DAB1: variants seen among roughly 807,000 people sequenced by gnomAD.
DAB1 encodes the protein DAB adaptor protein 1.
In DAB1, 15 loss-of-function variants were observed where a neutral mutation model predicts 64.6. The ratio of observed to expected loss-of-function variants is 0.23; its 90% CI spans 0.16 to 0.36. The LOEUF (loss-of-function observed/expected upper bound fraction) is 0.36, where lower values mean the gene tolerates loss of function less well. Ranked by LOEUF, DAB1 falls within the 10% of genes least tolerant of loss-of-function variation. DAB1 has a pLI of 1.00. For synonymous variants in DAB1, 235 were observed against 251.9 expected (o/e 0.93, Z 0.64); for missense variants, 596 against 706.7 (o/e 0.84, Z 1.78).
intron 5 of DAB1, among the ~76,000 whole-genome samples, chr1:57,976,058 C>A (rs560975308): frequency 6.6e-6 from 1 of 152,318 alleles, no homozygotes; most frequent in Non-Finnish European, 1.5e-5. Context: ...CTTGGCAACG[C>A]CAAGTCTTAG....
intron 7 of DAB1, among the ~76,000 whole-genome samples, chr1:57,454,409 A>G (rs1686502913): frequency 6.6e-6 from 1 of 152,188 alleles, no homozygotes; most frequent in Non-Finnish European, 1.5e-5. Context: ...CAGGAACAGA[A>G]AACCAAATAC....
intron 2 of DAB1, among the ~76,000 whole-genome samples, chr1:57,270,929 A>AGGG (rs1670946238): frequency 6.6e-6 from 1 of 152,200 alleles, no homozygotes; most frequent in African/African-American, 2.4e-5. Context: ...TGTAATGAGC[A>AGGG]GGGACTGGGG....
At chr1:58,156,561 T>C (rs760147264) in intron 4 of DAB1, among the ~76,000 whole-genome samples, 12 of 152,090 alleles carry the variant, frequency 7.9e-5, no homozygotes, top group Middle Eastern at 3.2e-3. Context: ...CAGTACAAAG[T>C]GCTAAGAACA....
intron 1 of DAB1, among the ~76,000 whole-genome samples, chr1:57,355,872 A>AC (rs1679053558): frequency 9.6e-6 from 1 of 104,090 alleles, no homozygotes. Flanking sequence ...AAACCTCAAT[A>AC]AACACACACA....
At chr1:58,295,880 C>G (rs892869718) in intron 4 of DAB1, among the ~76,000 whole-genome samples, 2 of 151,790 alleles carry the variant, frequency 1.3e-5, no homozygotes, top group Admixed American at 6.6e-5. Context: ...TACTTGAGGT[C>G]AGGGGGTCGA....
intron 5 of DAB1, among the ~76,000 whole-genome samples, chr1:58,120,639 C>G (rs1051288614): frequency 6.6e-6 from 1 of 152,168 alleles, no homozygotes; most frequent in Non-Finnish European, 1.5e-5. Context: ...GGCAATGGCA[C>G]TAAAAGACTA....
chr1:58,084,713 G>A (rs1650196044), intron 5 of DAB1, among the ~76,000 whole-genome samples: 1 of 151,872 alleles, frequency 6.6e-6, no homozygotes, highest in African/African-American at 2.4e-5. Flanking sequence ...CTGTGCCTCA[G>A]TTCCTCCCTG....
At position 57,452,163 on chromosome 1, in the gene DAB1, C is replaced by CT. The variant is rs1432054998; in HGVS notation, n.626-160998_626-160997insA. ...TAGGATTTAGTCTCTCTCTGCACCCCCCCTTTTTTTTTTTTTTTTTTTTTG... is the reference window on the plus strand; with the variant it reads ...TAGGATTTAGTCTCTCTCTGCACCCCTCCCTTTTTTTTTTTTTTTTTTTTTG... On this transcript the variant is annotated intron_variant and non_coding_transcript_variant, in intron 7 of 20. Coordinates refer to the DAB1 transcript ENST00000485760. Among the ~76,000 whole-genome samples the CT allele has an allele frequency of 1.3e-3, 132 of 100,140 alleles. 2 individuals are homozygous for CT. Among genetic ancestry groups the CT allele is most frequent in the African/African-American group, 4.3e-3 (106 of 24,858 alleles). 65.7% of individuals were successfully genotyped at this position (100,140 alleles called of 152,430 possible).
intron 5 of DAB1, among the ~76,000 whole-genome samples, chr1:57,949,010 C>T (rs1645225682): frequency 6.6e-6 from 1 of 152,188 alleles, no homozygotes; most frequent in Non-Finnish European, 1.5e-5. Flanking sequence ...CACTCACCAG[C>T]AATCTACCAT....
intron 4 of DAB1, among the ~76,000 whole-genome samples, chr1:58,336,389 G>A (rs990053514): frequency 6.6e-6 from 1 of 152,156 alleles, no homozygotes; most frequent in East Asian, 1.9e-4. Flanking sequence ...TACCTAGATT[G>A]CTTGATCTGT....
chr1:58,132,480 T>TC lies in DAB1; in HGVS notation n.387+18030dup, dbSNP rs540624855. Among the ~76,000 whole-genome samples the TC allele has an allele frequency of 9.2e-4, 140 of 152,204 alleles. 1 individual carries two copies. The highest frequency in any genetic ancestry group is 1.8e-3 in the Admixed American group (27 of 15,284). On this transcript the variant is annotated intron_variant and non_coding_transcript_variant, in intron 5 of 20. Transcript: ENST00000485760. Reference sequence around the variant, plus strand: ...GTTCCTATTCGGCCATCTTGGCTCCTCCCCCCGGGGCCAATCTTTTTCAAA... The same window carrying TC: ...GTTCCTATTCGGCCATCTTGGCTCCTCCCCCCCGGGGCCAATCTTTTTCAAA...
chr1:57,542,458 T>C (rs1458169152), intron 7 of DAB1, among the ~76,000 whole-genome samples: 2 of 149,134 alleles, frequency 1.3e-5, no homozygotes, highest in Admixed American at 1.4e-4. Context: ...GTTGAAAGCA[T>C]AAGGTCTATA....
intron 4 of DAB1, among the ~76,000 whole-genome samples, chr1:58,279,319 T>C (rs1034594736): frequency 3.9e-5 from 6 of 152,180 alleles, no homozygotes; most frequent in Non-Finnish European, 7.3e-5. Context: ...CTAATTACTC[T>C]ACAGGTTATA....
chr1:58,128,174 T>G (rs372984054), intron 5 of DAB1, among the ~76,000 whole-genome samples: 2 of 152,100 alleles, frequency 1.3e-5, no homozygotes, highest in Non-Finnish European at 2.9e-5. Context: ...AGGTCCTTCA[T>G]ATCCCTTGTA....
At chr1:57,645,008 A>G (rs1169102381) in intron 7 of DAB1, among the ~76,000 whole-genome samples, 1 of 152,148 alleles carries the variant, frequency 6.6e-6, no homozygotes, top group African/African-American at 2.4e-5. Flanking sequence ...ATGGACATGG[A>G]GAAGCTGAAG....
At position 58,319,498 on chromosome 1, in the gene DAB1, G is replaced by A. The variant is rs141160183; in HGVS notation, n.309+23854C>T. On this transcript the variant is annotated intron_variant and non_coding_transcript_variant, in intron 4 of 20. Transcript: ENST00000485760. ...AACTGAGGACCCCAAACATTCTCAG[G>A]ACTCTTCCTTCTCTCTTCTCCACTC... is the stretch of plus-strand genomic sequence containing the variant. Among the ~76,000 whole-genome samples, 139 of 152,204 alleles carry A rather than the reference G, an allele frequency of 9.1e-4. 1 individual carries two copies. The highest frequency in any genetic ancestry group is 1.5e-3 in the Non-Finnish European group (103 of 67,990).
intron 3 of DAB1, among the ~76,000 whole-genome samples, chr1:58,398,577 A>G (rs1239016592): frequency 6.6e-6 from 1 of 152,206 alleles, no homozygotes; most frequent in Non-Finnish European, 1.5e-5. Flanking sequence ...CAGTTACCAC[A>G]TTTTAGGCAC....
At position 58,085,270 on chromosome 1, in the gene DAB1, T is replaced by C. The variant is rs1028484954; in HGVS notation, n.387+65241A>G. On this transcript the variant is annotated intron_variant and non_coding_transcript_variant, in intron 5 of 20. Transcript: ENST00000485760. ...GAAGCTCTTTATAAAGCAAGGCAAA[T>C]ACTGTGAAGCTGCTGTCCTTAGTAT... 3.9e-4 allele frequency among the ~76,000 whole-genome samples: 60 copies of C among 152,326 alleles called. 1 individual carries two copies. The highest frequency in any genetic ancestry group is 3.9e-3 in the Admixed American group (60 of 15,298).
Position 57,131,653 on chromosome 1 carries a change from C to T in DAB1, c.306+4890G>A, listed in dbSNP as rs74756198. ...GAGAACAGACTTGTTTTTGATGAGG[C>T]ACAAATAAGGTGACATCTGGTTTTC... On this transcript the variant is annotated intron_variant, in intron 4 of 14. Transcript: ENST00000371236. Among the ~76,000 whole-genome samples, 2,316 of 152,244 alleles carry T rather than the reference C, an allele frequency of 0.015. 96 individuals are homozygous for T. In the East Asian group the frequency reaches 0.16, roughly 11 times the overall value.
Sources: gnomAD v4.1 joint callset for allele counts (sites outside exome capture counted in the v4.1 genomes callset) on GRCh38, gnomAD v4.1.1 for gene constraint, MANE v1.5 for transcripts, NCBI Gene and HGNC (gene_info 2026-07-23, HGNC 2026-07-21) for gene names.